The following SPATA16 variants were observed in gnomAD, a reference collection of about 807,000 sequenced individuals.
SPATA16 encodes the protein spermatogenesis-associated protein 16.
A neutral mutation model predicts 63.3 loss-of-function variants in SPATA16; 36 were observed. That is an observed-to-expected ratio of 0.57 (90% confidence interval 0.44 to 0.75). The LOEUF (loss-of-function observed/expected upper bound fraction) is 0.75, where lower values mean the gene tolerates loss of function less well. Among genes scored for constraint, SPATA16 ranks in the 30% least tolerant of loss-of-function variants. SPATA16 has a pLI of 0.00. For synonymous variants in SPATA16, 203 were observed against 216.7 expected, an observed-to-expected ratio of 0.94 and a Z score of 0.56; for missense variants, 646 against 679.3, an observed-to-expected ratio of 0.95 and a Z score of 0.54.
At chr3:173,034,239 T>A (rs1473095259) in intron 3 of SPATA16, among the ~76,000 whole-genome samples, 1 of 152,190 alleles carries the variant, frequency 6.6e-6, no homozygotes, top group Non-Finnish European at 1.5e-5. Flanking sequence ...TATTATTTTT[T>A]ATGCTGCCTT....
At chr3:172,896,647 A>G (rs28878828) in intron 10 of SPATA16, among the ~76,000 whole-genome samples, 14,790 of 151,890 alleles carry the variant, frequency 0.097, 816 homozygotes, top group African/African-American at 0.15. Flanking sequence ...AGCCATTTTA[A>G]TAGGTGTGTA....
rs1049209402 is a variant in SPATA16, at chr3:173,113,047, C to T, written c.612+4073G>A. On this transcript the variant is annotated intron_variant, in intron 2 of 10. Transcript: ENST00000351008. ...AAATATGATTACTGCATCTTCTGTC[C>T]TTTATGTATTCCTAATTTATTAATC... 1.2e-4 allele frequency among the ~76,000 whole-genome samples: 18 copies of T among 152,166 alleles called. 1 individual carries two copies. The highest frequency in any genetic ancestry group is 2.4e-5 in the African/African-American group (1 of 41,438).
chr3:172,965,543 T>C (rs1018249310), intron 5 of SPATA16, among the ~76,000 whole-genome samples: 1 of 152,148 alleles, frequency 6.6e-6, no homozygotes, highest in East Asian at 1.9e-4. Flanking sequence ...TCACAGTTTG[T>C]TCTGGTCTTC....
chr3:173,047,289 C>T (rs184134638), intron 3 of SPATA16, among the ~76,000 whole-genome samples: 30 of 151,534 alleles, frequency 2.0e-4, no homozygotes, highest in African/African-American at 7.0e-4. Context: ...TTGACATGAC[C>T]ATGCCATTTG....
chr3:173,052,679 T>G (rs1736131079), intron 2 of SPATA16, among the ~76,000 whole-genome samples: 1 of 152,214 alleles, frequency 6.6e-6, no homozygotes, highest in African/African-American at 2.4e-5. Flanking sequence ...CATTTCCATA[T>G]AGACATTTGT....
chr3:172,951,747 C>T (rs1273095599), intron 6 of SPATA16, among the ~76,000 whole-genome samples: 1 of 152,144 alleles, frequency 6.6e-6, no homozygotes, highest in Admixed American at 6.5e-5. Flanking sequence ...TCGACACTAT[C>T]TATGCTTGAT....
intron 1 of SPATA16, among the ~76,000 whole-genome samples, chr3:173,123,645 C>G (rs1286946008): frequency 6.6e-6 from 1 of 150,614 alleles, no homozygotes; most frequent in Non-Finnish European, 1.5e-5. Flanking sequence ...CTCTTATCAC[C>G]CAGGCTGGAG....
intron 4 of SPATA16, among the ~76,000 whole-genome samples, chr3:172,982,548 C>T (rs926341928): frequency 6.6e-6 from 1 of 151,660 alleles, no homozygotes; most frequent in Non-Finnish European, 1.5e-5. Context: ...TATAAAAGGG[C>T]CAGAATCTGG....
rs1577125007 is a variant in SPATA16, at chr3:172,998,769, T to C, written c.848+20717A>G. ...TGTGTCACGAATATTTGTTGAGTTT[T>C]GTCAAATGCTTTCTCTGAATTTGTT... On this transcript the variant is annotated intron_variant, in intron 4 of 10. Transcript: ENST00000351008. Among the ~76,000 whole-genome samples the C allele has an allele frequency of 3.9e-5, 6 of 152,318 alleles. No individual in the cohort carries two copies. The South Asian group carries it at 1.2e-3, about 32-fold the overall frequency.
rs57396085 is a variant in SPATA16, at chr3:172,926,180, T to TA, written c.1082-689dup. ...AGATGTAAGGAAATAATGTTAGTTA[T>TA]AAAAAAAAAAGGAAAAAAATTACAA... On this transcript the variant is annotated intron_variant, in intron 6 of 10. Coordinates refer to ENST00000351008, the MANE Select transcript of SPATA16 (RefSeq NM_031955.6). Among the ~76,000 whole-genome samples, 1,261 of 146,310 alleles carry TA rather than the reference T, an allele frequency of 8.6e-3. 13 individuals carry two copies. Among genetic ancestry groups the TA allele is most frequent in the African/African-American group, 0.026 (1,052 of 40,434 alleles).
intron 2 of SPATA16, among the ~76,000 whole-genome samples, chr3:173,093,357 T>G (rs1021222448): frequency 1.1e-4 from 17 of 152,158 alleles, no homozygotes; most frequent in African/African-American, 3.1e-4. Context: ...TCAGATGCCA[T>G]GTACTGTCAC....
At chr3:173,130,699 A>G (rs929315831) in intron 1 of SPATA16, among the ~76,000 whole-genome samples, 2 of 152,218 alleles carry the variant, frequency 1.3e-5, no homozygotes, top group Admixed American at 1.3e-4. Context: ...AGCTGAGCCA[A>G]AAGTAGGGCT....
At chr3:173,036,090 A>C (rs1242519271) in intron 3 of SPATA16, among the ~76,000 whole-genome samples, 2 of 151,926 alleles carry the variant, frequency 1.3e-5, no homozygotes, top group Non-Finnish European at 2.9e-5. Context: ...GGGGAAAAGC[A>C]CTTCTGCACT....
chr3:173,065,109 T>C (rs1033809236), intron 2 of SPATA16, among the ~76,000 whole-genome samples: 11 of 152,204 alleles, frequency 7.2e-5, no homozygotes, highest in African/African-American at 2.4e-4. Context: ...ACAAAGTTTT[T>C]CAGATCAAAT....
At chr3:173,124,552 A>G (rs1738176255) in intron 1 of SPATA16, among the ~76,000 whole-genome samples, 1 of 152,098 alleles carries the variant, frequency 6.6e-6, no homozygotes, top group Admixed American at 6.5e-5. Flanking sequence ...TTCTTTTGTT[A>G]TTGGACTGAT....
rs374625261 is a variant in SPATA16, at chr3:173,081,032, G to C, written c.613-31938C>G. ...ATCGGAAGGCAACACCCAAACTGCT[G>C]CTTCATAAAGATGGCCTGTCTCTCC... On this transcript the variant is annotated intron_variant, in intron 2 of 10. Transcript: ENST00000351008. 9.2e-5 allele frequency among the ~76,000 whole-genome samples: 14 copies of C among 152,218 alleles called. 1 individual carries two copies. The highest frequency in any genetic ancestry group is 2.6e-4 in the Admixed American group (4 of 15,284).
chr3:172,989,015 T>C (rs1267141325), intron 4 of SPATA16, among the ~76,000 whole-genome samples: 1 of 152,198 alleles, frequency 6.6e-6, no homozygotes, highest in Non-Finnish European at 1.5e-5. Context: ...TTAGGCAGAA[T>C]TATGATGTGC....
intron 3 of SPATA16, among the ~76,000 whole-genome samples, chr3:173,022,954 A>G (rs959531804): frequency 1.3e-5 from 2 of 152,090 alleles, no homozygotes; most frequent in African/African-American, 2.4e-5. Context: ...TGCCTACTCC[A>G]TTGATTCACC....
chr3:173,118,324 AAAG>A (rs1346495909), intron 1 of SPATA16, among the ~76,000 whole-genome samples: 1 of 152,242 alleles, frequency 6.6e-6, no homozygotes, highest in African/African-American at 2.4e-5. Flanking sequence ...AACAGGCTCT[AAAG>A]AAGAAGAACA....
Sources: allele counts gnomAD v4.1 joint callset (sites outside exome capture counted in the v4.1 genomes callset), GRCh38; gene constraint gnomAD v4.1.1; transcripts MANE v1.5; gene names NCBI Gene and HGNC (gene_info 2026-07-23, HGNC 2026-07-21).